MTBP: variants seen among roughly 807,000 people sequenced by gnomAD.
The protein encoded by MTBP is mdm2-binding protein.
In MTBP, 101 loss-of-function variants were observed where a neutral mutation model predicts 117.0. The observed-to-expected ratio is 0.86, with a 90% CI of 0.73 to 1.02. MTBP has a LOEUF of 1.02. Among genes scored for constraint, MTBP ranks in the 50% least tolerant of loss-of-function variants. The pLI, the probability that MTBP is intolerant of heterozygous loss-of-function variation, is 0.00. For synonymous variants in MTBP, 350 were observed against 351.5 expected, an observed-to-expected ratio of 1.00 and a Z score of 0.05; for missense variants, 970 against 1,030.9, an observed-to-expected ratio of 0.94 and a Z score of 0.81.
At chr8:120,456,696 A>G in intron 7 of MTBP, 26 bp downstream of exon 7, 1 of 1,192,722 alleles carries the variant, frequency 8.4e-7, no homozygotes, top group Admixed American at 1.9e-5. Context: ...ACAGTTTGCC[A>G]AGTAGGCCTT....
chr8:120,482,859 C>T (rs1198160641), intron 11 of MTBP, among the ~76,000 whole-genome samples: 1 of 151,952 alleles, frequency 6.6e-6, no homozygotes, highest in Non-Finnish European at 1.5e-5. Flanking sequence ...GCCACCACGC[C>T]CAGCTAATTT....
intron 4 of MTBP, 87 bp downstream of exon 4, chr8:120,451,409 T>C (rs1033491890): frequency 3.3e-6 from 4 of 1,204,094 alleles, no homozygotes; most frequent in Non-Finnish European, 4.7e-6. Context: ...TTATATATTT[T>C]AGCATCTTTA....
chr8:120,446,077 A>G (rs1184415129), intron 1 of MTBP, among the ~76,000 whole-genome samples: 1 of 152,238 alleles, frequency 6.6e-6, no homozygotes, highest in East Asian at 1.9e-4. Context: ...GCACCCGTCT[A>G]GATTCAATAT....
At chr8:120,509,863 A>G in intron 16 of MTBP, 71 bp from the exon 17 acceptor site, 1 of 1,033,550 alleles carries the variant, frequency 9.7e-7, no homozygotes, top group Non-Finnish European at 1.4e-6. Flanking sequence ...TTGTTTCATT[A>G]GATACTTTCT....
At chr8:120,471,397 G>T (rs1402574377) in intron 11 of MTBP, 2 of 152,784 alleles carry the variant, frequency 1.3e-5, no homozygotes, top group African/African-American at 4.8e-5. Context: ...CCACCTCCTG[G>T]GTTCAAGTGA....
chr8:120,476,682 A>G (rs1813948201), intron 11 of MTBP, among the ~76,000 whole-genome samples: 1 of 152,198 alleles, frequency 6.6e-6, no homozygotes, highest in African/African-American at 2.4e-5. Context: ...ATACCTAGGA[A>G]TACAACTTAC....
At chr8:120,471,633 T>A (rs1253346544) in intron 11 of MTBP, 1 of 152,220 alleles carries the variant, frequency 6.6e-6, no homozygotes, top group Non-Finnish European at 1.5e-5. Context: ...TTTAACTGTA[T>A]GTTACACAGT....
chr8:120,474,210 G>A (rs1813885402), intron 11 of MTBP, among the ~76,000 whole-genome samples: 1 of 151,808 alleles, frequency 6.6e-6, no homozygotes, highest in Non-Finnish European at 1.5e-5. Context: ...CCAGATTGTT[G>A]ATTACTGATT....
chr8:120,522,725 GAAA>G lies in MTBP; in HGVS notation c.2676+7_2676+9del. 1 of 1,585,450 alleles carries G rather than the reference GAAA, an allele frequency of 6.3e-7. No individual in the cohort carries two copies. Among genetic ancestry groups the G allele is most frequent in the Admixed American group, 1.8e-5 (1 of 56,314 alleles). ...CAAACAACAATGCTGTACAGGTAAA[GAAA>G]TTATTCCCAAGAAACTATATTCAAT... On this transcript the variant is annotated splice_region_variant and intron_variant, in intron 21 of 21. Coordinates refer to ENST00000305949, the MANE Select transcript of MTBP (RefSeq NM_022045.5).
intron 17 of MTBP, among the ~76,000 whole-genome samples, chr8:120,513,425 T>C (rs1189615353): frequency 6.6e-6 from 1 of 152,086 alleles, no homozygotes; most frequent in Non-Finnish European, 1.5e-5. Context: ...CAATAAATTT[T>C]TACTTCACTA....
At chr8:120,457,067 A>G (rs1427529211) in intron 7 of MTBP, among the ~76,000 whole-genome samples, 1 of 152,026 alleles carries the variant, frequency 6.6e-6, no homozygotes, top group African/African-American at 2.4e-5. Flanking sequence ...ACTAGAAAAA[A>G]CTACTTAGAG....
chr8:120,506,954 C>A, intron 16 of MTBP, 93 bp downstream of exon 16: 2 of 1,073,764 alleles, frequency 1.9e-6, no homozygotes, highest in Non-Finnish European at 2.6e-6. Context: ...ATGTCCTATG[C>A]TACTCAGGGA....
rs9297620 is a variant in MTBP at position 120,485,653 on chromosome 8, T to A, written c.1166-2506T>A. 1.5e-3 allele frequency among the ~76,000 whole-genome samples: 226 copies of A among 152,354 alleles called. 2 individuals are homozygous for A. Among genetic ancestry groups the A allele is most frequent in the African/African-American group, 5.1e-3 (212 of 41,586 alleles). On this transcript the variant is annotated intron_variant, in intron 11 of 21. Transcript: ENST00000305949. ...ACAAGTATTTTCTGTCACTTGCTTT[T>A]CCCCTTCTGTAGGTATTACACATTC...
At chr8:120,501,324 T>G (rs1177476881) in intron 14 of MTBP, among the ~76,000 whole-genome samples, 1 of 152,100 alleles carries the variant, frequency 6.6e-6, no homozygotes, top group Non-Finnish European at 1.5e-5. Flanking sequence ...ATTGGGCCAG[T>G]GCACTCCAGC....
chr8:120,520,730 G>A (rs1170608266), intron 20 of MTBP, among the ~76,000 whole-genome samples: 1 of 152,040 alleles, frequency 6.6e-6, no homozygotes, highest in Non-Finnish European at 1.5e-5. Context: ...AACACTGTAT[G>A]CTAGAAGATA....
At chr8:120,459,383 A>G (rs373245069) in intron 8 of MTBP, 34 bp downstream of exon 8, 18 of 1,574,110 alleles carry the variant, frequency 1.1e-5, no homozygotes, top group African/African-American at 2.7e-5. Context: ...GTGATCATTC[A>G]TGTGTATTTT....
chr8:120,470,781 C>A, intron 10 of MTBP, 39 bp from the exon 11 acceptor site: 1 of 1,397,386 alleles, frequency 7.2e-7, no homozygotes, highest in Non-Finnish European at 1.0e-6. Context: ...GAATGAATCT[C>A]AATGTGCAAT....
chr8:120,469,587 C>T (rs539574839), intron 10 of MTBP, among the ~76,000 whole-genome samples: 2 of 152,180 alleles, frequency 1.3e-5, no homozygotes, highest in Non-Finnish European at 2.9e-5. Flanking sequence ...GGGCCAAATG[C>T]GTTGATGTTG....
chr8:120,517,654 A>G (rs1422630230), intron 18 of MTBP, among the ~76,000 whole-genome samples, 197 bp from the exon 19 acceptor site: 2 of 151,710 alleles, frequency 1.3e-5, no homozygotes, highest in Non-Finnish European at 2.9e-5. Flanking sequence ...GTTATATATT[A>G]TGTAATATAT....
Sources: gnomAD v4.1 joint callset for allele counts (sites outside exome capture counted in the v4.1 genomes callset) on GRCh38, gnomAD v4.1.1 for gene constraint, MANE v1.5 for transcripts, NCBI Gene and HGNC (gene_info 2026-07-23, HGNC 2026-07-21) for gene names.